Variants in SH3BP5 observed in about 807,000 individuals in gnomAD.
SH3BP5 encodes SH3 domain binding protein 5, also known as SH3 domain-binding protein 5.
Under a neutral mutation model 43.3 loss-of-function variants are expected in SH3BP5, and 22 were observed. The observed-to-expected ratio is 0.51, with a 90% CI of 0.36 to 0.73. The LOEUF (loss-of-function observed/expected upper bound fraction) is 0.73, where lower values mean the gene tolerates loss of function less well. Ranked by LOEUF, SH3BP5 falls within the 30% of genes least tolerant of loss-of-function variation. The probability of loss-of-function intolerance (pLI) is 0.00; values close to 1 mark genes in which losing one functional copy is unlikely to be tolerated. For missense variants in SH3BP5, 529 were observed against 586.9 expected (o/e 0.90, Z 1.02); for synonymous variants, 255 against 225.8 (o/e 1.13, Z -1.16).
At chr3:15,256,649 C>T (rs561311665) in intron 8 of SH3BP5, 1 of 629,098 alleles carries the variant, frequency 1.6e-6, no homozygotes, top group East Asian at 2.8e-5. Flanking sequence ...CTAAGCTCTA[C>T]TTTATAGAAG....
chr3:15,321,494 C>A (rs1003494822), intron 2 of SH3BP5, among the ~76,000 whole-genome samples: 6 of 151,772 alleles, frequency 4.0e-5, no homozygotes, highest in African/African-American at 1.5e-4. Flanking sequence ...CAGAGAAATT[C>A]ATTTATTTGG....
At chr3:15,328,637 G>A (rs1407906354) in intron 2 of SH3BP5, among the ~76,000 whole-genome samples, 1 of 152,108 alleles carries the variant, frequency 6.6e-6, no homozygotes, top group African/African-American at 2.4e-5. Flanking sequence ...CTACTGGGGA[G>A]GATGATGCAG....
intron 2 of SH3BP5, among the ~76,000 whole-genome samples, chr3:15,319,951 T>A (rs536239231): frequency 2.0e-5 from 3 of 152,328 alleles, no homozygotes; most frequent in South Asian, 4.1e-4. Context: ...TGTTTTAAGC[T>A]ATTACGGCTT....
At chr3:15,323,557 G>A (rs930507936) in intron 2 of SH3BP5, among the ~76,000 whole-genome samples, 1 of 152,170 alleles carries the variant, frequency 6.6e-6, no homozygotes, top group South Asian at 2.1e-4. Context: ...ACCCAGGGAT[G>A]TAGGCAAGAA....
At chr3:15,289,415 G>A (rs1215739014) in intron 3 of SH3BP5, among the ~76,000 whole-genome samples, 1 of 152,146 alleles carries the variant, frequency 6.6e-6, no homozygotes, top group African/African-American at 2.4e-5. Context: ...TGGAGTTCCT[G>A]GAGCCATCTT....
intron 3 of SH3BP5, among the ~76,000 whole-genome samples, chr3:15,270,892 C>T (rs1361318734): frequency 6.9e-6 from 1 of 144,638 alleles, no homozygotes; most frequent in Non-Finnish European, 1.5e-5. Context: ...CACCACTGCA[C>T]TCCAGCCTGG....
intron 3 of SH3BP5, among the ~76,000 whole-genome samples, chr3:15,302,295 T>C (rs973661926): frequency 2.0e-5 from 3 of 152,140 alleles, no homozygotes; most frequent in Non-Finnish European, 4.4e-5. Context: ...GAGAAGGGTT[T>C]CTTCTCCCGG....
chr3:15,258,945 C>G lies in SH3BP5; in HGVS notation c.775G>C (p.Glu259Gln), dbSNP rs199996446. 1 of 1,614,188 alleles carries G rather than the reference C, an allele frequency of 6.2e-7. No homozygotes were observed. The highest frequency in any genetic ancestry group is 2.2e-5 in the East Asian group (1 of 44,882). The change falls in exon 7 of 9, where the codon GAG becomes CAG. Residue 259 changes from glutamate to glutamine, a missense_variant. Transcript: ENST00000383791. ...NLEMISDEIH[E>Q]RRRSSAMGPR... is the part of the protein sequence containing the mutation. The stretch of plus-strand genomic sequence containing the variant: ...CCCATGGCACTGGAGCGCCGCCGCT[C>G]GTGGATCTCATCTGAGATCATCTCC...
chr3:15,329,916 C>A (rs906708309), intron 2 of SH3BP5, among the ~76,000 whole-genome samples: 2 of 152,224 alleles, frequency 1.3e-5, no homozygotes, highest in Non-Finnish European at 2.9e-5. Context: ...AAACCCAAAT[C>A]AAGTTTTAGT....
intron 2 of SH3BP5, among the ~76,000 whole-genome samples, chr3:15,308,590 T>TGGCC (rs1318932078): frequency 2.6e-5 from 4 of 152,158 alleles, no homozygotes; most frequent in Non-Finnish European, 5.9e-5. Context: ...ACGGACGGGC[T>TGGCC]GGCCTGGTAG....
chr3:15,268,293 G>A (rs1696699384), intron 4 of SH3BP5, among the ~76,000 whole-genome samples: 1 of 152,224 alleles, frequency 6.6e-6, no homozygotes, highest in African/African-American at 2.4e-5. Context: ...CAGGACTTGA[G>A]CCACTGTGGC....
At chr3:15,283,795 C>T (rs141108770) in intron 3 of SH3BP5, among the ~76,000 whole-genome samples, 48 of 152,324 alleles carry the variant, frequency 3.2e-4, no homozygotes, top group African/African-American at 1.1e-3. Context: ...AAGCCCTGTC[C>T]CTCCCCACAA....
chr3:15,259,758 T>C lies in SH3BP5; in HGVS notation c.669+3A>G, dbSNP rs762795406. On this transcript the variant is annotated splice_donor_region_variant and intron_variant, in intron 6 of 8. Coordinates refer to ENST00000383791, the MANE Select transcript of SH3BP5 (RefSeq NM_004844.5). ...CAGTGACGAAGCCCAAAGCTACACA[T>C]ACCTCGAGCTGCACATAGTACTTTG... The C allele has an allele frequency of 6.2e-7, 1 of 1,614,030 alleles. No homozygotes were observed. Among genetic ancestry groups the C allele is most frequent in the Non-Finnish European group, 8.5e-7 (1 of 1,179,934 alleles).
In SH3BP5 at chr3:15,330,581, AGG is replaced by A. The variant is rs1200836035; in HGVS notation, c.139-17_139-16del. ...TCCAGTTCTCCCTGGTGAAGAAAAG[AGG>A]GAGAAAAAAAGACTTAAGGGATCCG... On this transcript the variant is annotated splice_polypyrimidine_tract_variant and intron_variant, in intron 1 of 8. Coordinates refer to ENST00000383791, the MANE Select transcript of SH3BP5 (RefSeq NM_004844.5). The A allele has an allele frequency of 2.5e-6, 4 of 1,584,254 alleles. No individual in the cohort carries two copies. Among genetic ancestry groups the A allele is most frequent in the East Asian group, 4.5e-5 (2 of 44,212 alleles).
intron 8 of SH3BP5, 47 bp from the exon 9 acceptor site, chr3:15,256,350 C>T: frequency 6.4e-7 from 1 of 1,560,306 alleles, no homozygotes; most frequent in Non-Finnish European, 8.8e-7. Context: ...ACAATTCTGC[C>T]CTGTCTCCTA....
intron 1 of SH3BP5, among the ~76,000 whole-genome samples, chr3:15,338,324 C>G (rs542784827): frequency 6.6e-6 from 1 of 152,306 alleles, no homozygotes; most frequent in South Asian, 2.1e-4. Context: ...GCCTGGACAA[C>G]AGATAGGGAC....
intron 5 of SH3BP5, among the ~76,000 whole-genome samples, chr3:15,260,870 T>C (rs967378133): frequency 3.9e-5 from 6 of 152,194 alleles, no homozygotes; most frequent in African/African-American, 1.4e-4. Flanking sequence ...TGTACTCTTC[T>C]CGGAGTCTGA....
chr3:15,274,255 A>AAAGAG (rs1696898638), intron 3 of SH3BP5, among the ~76,000 whole-genome samples: 1 of 151,058 alleles, frequency 6.6e-6, no homozygotes, highest in African/African-American at 2.5e-5. Context: ...CAACAAAAAA[A>AAAGAG]AAAGAAAGAA....
At chr3:15,301,524 C>G (rs1697752386) in intron 3 of SH3BP5, among the ~76,000 whole-genome samples, 1 of 152,072 alleles carries the variant, frequency 6.6e-6, no homozygotes, top group Non-Finnish European at 1.5e-5. Context: ...AGAAGCCCCA[C>G]AGGGAAAAAG....
Sources: gnomAD v4.1 joint callset for allele counts (sites outside exome capture counted in the v4.1 genomes callset) on GRCh38, gnomAD v4.1.1 for gene constraint, MANE v1.5 for transcripts, NCBI Gene and HGNC (gene_info 2026-07-23, HGNC 2026-07-21) for gene names.